Variants in SSPN observed in about 807,000 individuals in gnomAD.
SSPN encodes K-ras oncogene-associated protein.
In SSPN, 15 loss-of-function variants were observed where a neutral mutation model predicts 19.1. The observed-to-expected ratio is 0.78, with a 90% CI of 0.52 to 1.21. SSPN has a LOEUF of 1.21. Ranked by LOEUF, SSPN falls within the 50% of genes most tolerant of loss-of-function variation. The pLI is 0.00. For missense variants in SSPN, 291 were observed against 314.0 expected, an observed-to-expected ratio of 0.93 and a Z score of 0.55; for synonymous variants, 147 against 140.3, an observed-to-expected ratio of 1.05 and a Z score of -0.34.
intron 1 of SSPN, among the ~76,000 whole-genome samples, chr12:26,166,314 A>G (rs1389326497): frequency 6.6e-6 from 1 of 152,266 alleles, no homozygotes; most frequent in Non-Finnish European, 1.5e-5. Context: ...AGGTAACAGC[A>G]AGGGTAGTTC....
chr12:26,162,810 T>G (rs553086552), intron 1 of SSPN, among the ~76,000 whole-genome samples: 2 of 152,188 alleles, frequency 1.3e-5, no homozygotes, highest in Non-Finnish European at 2.9e-5. Flanking sequence ...AAAATTTTCA[T>G]GACAGAAGGA....
At chr12:26,182,557 C>T (rs1944725007) in intron 1 of SSPN, among the ~76,000 whole-genome samples, 2 of 150,336 alleles carry the variant, frequency 1.3e-5, no homozygotes, top group South Asian at 4.2e-4. Context: ...GTATCTGGAC[C>T]CCGTCTCCCT....
At chr12:26,149,297 T>C (rs1172591334) in intron 1 of SSPN, among the ~76,000 whole-genome samples, 1 of 152,250 alleles carries the variant, frequency 6.6e-6, no homozygotes, top group Non-Finnish European at 1.5e-5. Context: ...CTTGTATTTG[T>C]ATACATCTAC....
intron 1 of SSPN, among the ~76,000 whole-genome samples, chr12:26,146,837 A>G (rs1162174039): frequency 6.6e-6 from 1 of 151,960 alleles, no homozygotes; most frequent in Non-Finnish European, 1.5e-5. Context: ...AAAAGAAAGA[A>G]ATCATTATTT....
At chr12:26,210,976 A>T (rs1270503103) in intron 1 of SSPN, among the ~76,000 whole-genome samples, 1 of 152,160 alleles carries the variant, frequency 6.6e-6, no homozygotes, top group African/African-American at 2.4e-5. Flanking sequence ...TATAAAAAGT[A>T]AGGAATACGA....
chr12:26,134,394 C>T (rs1367654579), intron 1 of SSPN, among the ~76,000 whole-genome samples: 1 of 152,216 alleles, frequency 6.6e-6, no homozygotes, highest in Non-Finnish European at 1.5e-5. Flanking sequence ...TCCCTTTGTG[C>T]CTGTCTTTCA....
chr12:26,225,991 G>GA (rs113937521), intron 2 of SSPN, among the ~76,000 whole-genome samples: 9,834 of 141,578 alleles, frequency 0.069, 350 homozygotes, highest in Middle Eastern at 0.11. Context: ...AAAAAAAATA[G>GA]AAAAAAAAAA....
At chr12:26,122,650 TGCC>T in intron 1 of SSPN, 7 of 1,346,624 alleles carry the variant, frequency 5.2e-6, no homozygotes, top group South Asian at 2.3e-5. Flanking sequence ...CCGCCGCCGC[TGCC>T]GCCGCCGCGG....
chr12:26,155,919 TC>T (rs1171477104), intron 1 of SSPN, among the ~76,000 whole-genome samples: 1 of 152,094 alleles, frequency 6.6e-6, no homozygotes, highest in African/African-American at 2.4e-5. Context: ...GAATCTCACC[TC>T]TCTCAGACAA....
chr12:26,190,050 G>A (rs1944778077), intron 1 of SSPN, among the ~76,000 whole-genome samples: 1 of 152,170 alleles, frequency 6.6e-6, no homozygotes, highest in African/African-American at 2.4e-5. Flanking sequence ...GTTTACCAAC[G>A]TTTAAGAGAT....
chr12:26,157,580 A>G lies in SSPN; in HGVS notation c.-31+35428A>G, dbSNP rs1333096633. ...ACTAAATTTTGCTTCTTTTAAAAAA[A>G]AATCTGGGAGAATTCTCACACATAC... On this transcript the variant is annotated intron_variant, in intron 1 of 2. Coordinates refer to the SSPN transcript ENST00000538142. Among the ~76,000 whole-genome samples the G allele has an allele frequency of 2.0e-5, 3 of 152,228 alleles. No homozygotes were observed. The East Asian group carries it at 5.8e-4, about 29-fold the overall frequency.
chr12:26,212,823 T>G (rs1462257033), intron 1 of SSPN, among the ~76,000 whole-genome samples: 1 of 152,142 alleles, frequency 6.6e-6, no homozygotes, highest in Non-Finnish European at 1.5e-5. Context: ...AAAAGAAGCT[T>G]CTATTTTGAG....
At chr12:26,154,553 G>A (rs950273170) in intron 1 of SSPN, among the ~76,000 whole-genome samples, 1 of 152,128 alleles carries the variant, frequency 6.6e-6, no homozygotes, top group Non-Finnish European at 1.5e-5. Flanking sequence ...AGACAAATGT[G>A]GCTTCAGGTT....
chr12:26,129,116 A>C (rs1285045807), intron 1 of SSPN, among the ~76,000 whole-genome samples: 1 of 152,158 alleles, frequency 6.6e-6, no homozygotes, highest in African/African-American at 2.4e-5. Context: ...TAGGAACCCA[A>C]GTGTGATCCA....
At chr12:26,192,619 C>T (rs74609901), upstream of SSPN, among the ~76,000 whole-genome samples, 938 of 152,268 alleles carry the variant, frequency 6.2e-3, 6 homozygotes, top group African/African-American at 0.022. Context: ...TTACCAAAGA[C>T]CAGGCCTCCT....
intron 1 of SSPN, among the ~76,000 whole-genome samples, chr12:26,182,029 A>G (rs912045580): frequency 6.6e-6 from 1 of 152,188 alleles, no homozygotes; most frequent in Non-Finnish European, 1.5e-5. Context: ...TTCTTGAAGG[A>G]TGGCTTTAGG....
At chr12:26,206,939 A>G (rs1221073859) in intron 1 of SSPN, among the ~76,000 whole-genome samples, 2 of 152,202 alleles carry the variant, frequency 1.3e-5, no homozygotes, top group Non-Finnish European at 2.9e-5. Context: ...TATACCAGGT[A>G]TGGTGCCCCC....
intron 1 of SSPN, among the ~76,000 whole-genome samples, chr12:26,176,957 A>C (rs532319061): frequency 6.6e-6 from 1 of 152,316 alleles, no homozygotes; most frequent in Non-Finnish European, 1.5e-5. Flanking sequence ...TCCTGATCAA[A>C]TATTTGCCAT....
At chr12:26,153,029 C>T (rs982792832) in intron 1 of SSPN, among the ~76,000 whole-genome samples, 2 of 152,220 alleles carry the variant, frequency 1.3e-5, no homozygotes, top group African/African-American at 4.8e-5. Context: ...AAGGCTGGCT[C>T]CTTCTCATTG....
Sources: gnomAD v4.1 joint callset for allele counts (sites outside exome capture counted in the v4.1 genomes callset) on GRCh38, gnomAD v4.1.1 for gene constraint, MANE v1.5 for transcripts, NCBI Gene and HGNC (gene_info 2026-07-23, HGNC 2026-07-21) for gene names.